CNTNAP4: variants seen among roughly 807,000 people sequenced by gnomAD.
CNTNAP4 encodes the protein contactin associated protein family member 4.
Under a neutral mutation model 148.4 loss-of-function variants are expected in CNTNAP4, and 98 were observed. The observed-to-expected ratio is 0.66, with a 90% CI of 0.56 to 0.78. The LOEUF (loss-of-function observed/expected upper bound fraction) is 0.78. Among genes scored for constraint, CNTNAP4 ranks in the 30% least tolerant of loss-of-function variants. CNTNAP4 has a pLI of 0.00. For missense variants in CNTNAP4, 1,935 were observed against 1,565.6 expected (o/e 1.24, Z -3.98); for synonymous variants, 730 against 565.1 (o/e 1.29, Z -4.14).
chr16:76,418,751 GCCATT>G (rs2049371906), intron 3 of CNTNAP4, among the ~76,000 whole-genome samples: 1 of 149,322 alleles, frequency 6.7e-6, no homozygotes, highest in Admixed American at 6.7e-5. Context: ...CTTACTTTTT[GCCATT>G]CCTTGTAATA....
chr16:76,453,512 G>C (rs559134956), intron 8 of CNTNAP4, among the ~76,000 whole-genome samples: 3 of 151,996 alleles, frequency 2.0e-5, no homozygotes, highest in Non-Finnish European at 4.4e-5. Flanking sequence ...ACATTTTTAC[G>C]TATGTACAAT....
At chr16:76,420,673 A>C (rs2079157810) in intron 3 of CNTNAP4, among the ~76,000 whole-genome samples, 1 of 151,892 alleles carries the variant, frequency 6.6e-6, no homozygotes, top group South Asian at 2.1e-4. Flanking sequence ...TAAAACCATG[A>C]CCAAAAACAA....
intron 2 of CNTNAP4, among the ~76,000 whole-genome samples, chr16:76,352,778 C>T (rs987382694): frequency 3.3e-5 from 5 of 152,044 alleles, no homozygotes; most frequent in Non-Finnish European, 5.9e-5. Flanking sequence ...TAAAATAATG[C>T]CCCAGGAGCA....
chr16:76,457,951 C>T (rs1479053919), intron 8 of CNTNAP4, among the ~76,000 whole-genome samples: 1 of 152,010 alleles, frequency 6.6e-6, no homozygotes, highest in Non-Finnish European at 1.5e-5. Context: ...GCCCCATGCC[C>T]TCTCCCCTTT....
At chr16:76,363,212 G>A (rs2013660730) in intron 3 of CNTNAP4, among the ~76,000 whole-genome samples, 1 of 150,184 alleles carries the variant, frequency 6.7e-6, no homozygotes, top group East Asian at 2.0e-4. Context: ...CCAGGCTGGA[G>A]TGCAGTGGCA....
chr16:76,468,826 T>G (rs1441100714), intron 10 of CNTNAP4, among the ~76,000 whole-genome samples: 1 of 152,208 alleles, frequency 6.6e-6, no homozygotes, highest in East Asian at 1.9e-4. Context: ...CTAAGTCATC[T>G]TGCCAGTCAT....
intron 14 of CNTNAP4, among the ~76,000 whole-genome samples, chr16:76,495,507 T>C (rs2082372847): frequency 6.6e-6 from 1 of 152,052 alleles, no homozygotes; most frequent in Non-Finnish European, 1.5e-5. Context: ...AGACAAATCA[T>C]ACCACAAAGA....
chr16:76,498,730 A>C, intron 15 of CNTNAP4, 36 bp downstream of exon 15: 1 of 1,548,474 alleles, frequency 6.5e-7, no homozygotes, highest in South Asian at 1.3e-5. Flanking sequence ...CGTATTTGAG[A>C]AAAGAACCAT....
At chr16:76,391,249 A>T (rs2016965526) in intron 3 of CNTNAP4, among the ~76,000 whole-genome samples, 1 of 152,170 alleles carries the variant, frequency 6.6e-6, no homozygotes. Flanking sequence ...GCATATGATG[A>T]GGAGCCAAAT....
At chr16:76,359,822 T>C (rs923089308) in intron 3 of CNTNAP4, among the ~76,000 whole-genome samples, 1 of 152,232 alleles carries the variant, frequency 6.6e-6, no homozygotes, top group Non-Finnish European at 1.5e-5. Context: ...TTGTACATGA[T>C]TGAAAAAGTA....
chr16:76,491,244 C>T (rs1014358953), intron 13 of CNTNAP4, among the ~76,000 whole-genome samples: 1 of 152,166 alleles, frequency 6.6e-6, no homozygotes, highest in Non-Finnish European at 1.5e-5. Flanking sequence ...CCTCCTGGAA[C>T]CTCAATTCTG....
chr16:76,492,947 C>T (rs921461289), intron 13 of CNTNAP4, among the ~76,000 whole-genome samples: 1 of 73,692 alleles, frequency 1.4e-5, no homozygotes, highest in Non-Finnish European at 3.2e-5. Flanking sequence ...TGTGCTTGCA[C>T]ACTTTTTTTT....
intron 8 of CNTNAP4, among the ~76,000 whole-genome samples, chr16:76,454,538 AC>A (rs1410548229): frequency 2.0e-5 from 3 of 152,204 alleles, no homozygotes; most frequent in African/African-American, 7.2e-5. Flanking sequence ...ATGTCAGTAC[AC>A]TGAGGATAAC....
At chr16:76,433,300 A>C (rs1245622465) in intron 4 of CNTNAP4, among the ~76,000 whole-genome samples, 1 of 152,178 alleles carries the variant, frequency 6.6e-6, no homozygotes, top group East Asian at 1.9e-4. Context: ...AGGAGAACTG[A>C]GGGAGAAGAT....
intron 3 of CNTNAP4, among the ~76,000 whole-genome samples, chr16:76,367,996 G>A (rs183588641): frequency 1.3e-5 from 2 of 152,214 alleles, no homozygotes; most frequent in African/African-American, 4.8e-5. Flanking sequence ...GTCTAGAGGT[G>A]GGAGCCCAGA....
At chr16:76,405,815 CT>C (rs111691424) in intron 3 of CNTNAP4, among the ~76,000 whole-genome samples, 41 of 148,444 alleles carry the variant, frequency 2.8e-4, no homozygotes, top group Admixed American at 4.0e-4. Flanking sequence ...AAATTGTCTC[CT>C]TTTTTTTTTA....
chr16:76,417,081 A>G (rs1194418599), intron 3 of CNTNAP4, among the ~76,000 whole-genome samples: 1 of 151,298 alleles, frequency 6.6e-6, no homozygotes, highest in African/African-American at 2.4e-5. Context: ...TCATCCATTT[A>G]CTTTTAATGT....
intron 13 of CNTNAP4, among the ~76,000 whole-genome samples, chr16:76,492,835 A>T (rs906714650): frequency 2.0e-5 from 3 of 152,064 alleles, no homozygotes; most frequent in South Asian, 4.1e-4. Context: ...TCTTTTCTTT[A>T]TAAATTACCC....
At position 76,374,831 on chromosome 16, in the gene CNTNAP4, C is replaced by T. The variant is rs538268232; in HGVS notation, c.390+19320C>T. The stretch of plus-strand genomic sequence containing the variant: ...TCCCCCAGGCTTGAGTGCAATGGCT[C>T]AATCTCGGCTCACAGCAACCTCTGC... On this transcript the variant is annotated intron_variant, in intron 3 of 23. Coordinates refer to ENST00000611870, the MANE Select transcript of CNTNAP4 (RefSeq NM_033401.5). 6.6e-5 allele frequency among the ~76,000 whole-genome samples: 10 copies of T among 151,186 alleles called. No individual in the cohort carries two copies. In the South Asian group the frequency reaches 1.3e-3, roughly 19 times the overall value.
Sources: gnomAD v4.1 joint callset for allele counts (sites outside exome capture counted in the v4.1 genomes callset) on GRCh38, gnomAD v4.1.1 for gene constraint, MANE v1.5 for transcripts, NCBI Gene and HGNC (gene_info 2026-07-23, HGNC 2026-07-21) for gene names.